Variants in RABGAP1L observed in about 807,000 individuals in gnomAD.
The protein encoded by RABGAP1L is rab GTPase-activating protein 1-like.
A neutral mutation model predicts 137.7 loss-of-function variants in RABGAP1L; 63 were observed. The observed-to-expected ratio is 0.46, with a 90% confidence interval of 0.37 to 0.56. RABGAP1L has a LOEUF of 0.56. Among genes scored for constraint, RABGAP1L ranks in the 20% least tolerant of loss-of-function variants. The pLI, the probability that RABGAP1L is intolerant of heterozygous loss-of-function variation, is 0.00. For missense variants in RABGAP1L, 1,095 were observed against 1,244.0 expected (o/e 0.88, Z 1.80); for synonymous variants, 431 against 433.7 (o/e 0.99, Z 0.08).
chr1:174,732,184 T>C (rs1682530999), intron 17 of RABGAP1L, among the ~76,000 whole-genome samples: 1 of 135,480 alleles, frequency 7.4e-6, no homozygotes, highest in Non-Finnish European at 1.5e-5. Context: ...GGCGACAGAG[T>C]GAGACCCCAT....
intron 13 of RABGAP1L, among the ~76,000 whole-genome samples, chr1:174,576,917 T>G (rs538461446): frequency 6.6e-6 from 1 of 152,266 alleles, no homozygotes; most frequent in Admixed American, 6.5e-5. Context: ...GTGCAGTGGC[T>G]CATGCCTGTA....
At chr1:174,246,523 TATGGTTTC>T (rs1672278052) in intron 5 of RABGAP1L, among the ~76,000 whole-genome samples, 2 of 152,206 alleles carry the variant, frequency 1.3e-5, no homozygotes, top group African/African-American at 4.8e-5. Context: ...GATAAAAATG[TATGGTTTC>T]ATCTGTACTG....
intron 13 of RABGAP1L, among the ~76,000 whole-genome samples, chr1:174,484,499 T>A (rs1659440814): frequency 6.6e-6 from 1 of 152,230 alleles, no homozygotes; most frequent in South Asian, 2.1e-4. Context: ...CCTTAAAAGT[T>A]TCCCCAATAT....
intron 13 of RABGAP1L, among the ~76,000 whole-genome samples, chr1:174,498,619 C>T (rs182471130): frequency 8.6e-5 from 13 of 151,376 alleles, no homozygotes; most frequent in Non-Finnish European, 1.6e-4. Context: ...GCCTCAGCTT[C>T]CTGAGTAGGT....
chr1:174,793,472 T>A (rs192510676), intron 18 of RABGAP1L, among the ~76,000 whole-genome samples: 43 of 152,350 alleles, frequency 2.8e-4, no homozygotes, highest in Admixed American at 1.4e-3. Flanking sequence ...TACCAAAATG[T>A]CAGGTAACTG....
chr1:174,263,993 G>A (rs1673820101), intron 7 of RABGAP1L, among the ~76,000 whole-genome samples: 1 of 151,878 alleles, frequency 6.6e-6, no homozygotes, highest in African/African-American at 2.4e-5. Flanking sequence ...TGTAATAGTA[G>A]CATAGTTGTT....
intron 13 of RABGAP1L, among the ~76,000 whole-genome samples, chr1:174,588,019 AGGCTTGGCTAAGTTTTT>A (rs1669255705): frequency 6.6e-6 from 1 of 151,962 alleles, no homozygotes; most frequent in African/African-American, 2.4e-5. Context: ...GTGCACAACC[AGGCTTGGCTAAGTTTTT>A]TGTATTTTTA....
chr1:174,232,613 C>T (rs181266544), intron 4 of RABGAP1L, among the ~76,000 whole-genome samples: 16 of 152,022 alleles, frequency 1.1e-4, no homozygotes, highest in African/African-American at 3.4e-4. Context: ...GAAACCCCGT[C>T]TCTACTAAAA....
At chr1:174,385,475 T>G (rs1686683646) in intron 12 of RABGAP1L, among the ~76,000 whole-genome samples, 1 of 152,182 alleles carries the variant, frequency 6.6e-6, no homozygotes, top group African/African-American at 2.4e-5. Context: ...GGGAAGGAAA[T>G]ATGAGTTTGG....
At chr1:174,804,903 G>A (rs1023933711) in intron 18 of RABGAP1L, among the ~76,000 whole-genome samples, 3 of 152,128 alleles carry the variant, frequency 2.0e-5, no homozygotes, top group Admixed American at 1.3e-4. Flanking sequence ...AAGAGCAGAG[G>A]AGAATATGTC....
At chr1:174,938,779 T>A (rs1665327294) in intron 19 of RABGAP1L, among the ~76,000 whole-genome samples, 1 of 152,078 alleles carries the variant, frequency 6.6e-6, no homozygotes, top group Admixed American at 6.5e-5. Flanking sequence ...CTGCCAGAGG[T>A]CTTTCAACTC....
At chr1:174,481,893 GAAAAAAAAAGA>G (rs1453411714) in intron 13 of RABGAP1L, among the ~76,000 whole-genome samples, 2 of 132,278 alleles carry the variant, frequency 1.5e-5, no homozygotes, top group Non-Finnish European at 3.4e-5. Flanking sequence ...AAAAAAAAAA[GAAAAAAAAAGA>G]AAAAAAAAAG....
intron 5 of RABGAP1L, 24 bp from the exon 6 acceptor site, chr1:174,250,451 G>A (rs769528909): frequency 3.8e-6 from 6 of 1,583,338 alleles, no homozygotes; most frequent in South Asian, 3.5e-5. Flanking sequence ...TTGCCTAATG[G>A]TATTTCCTTT....
At chr1:174,772,227 T>A (rs977001536) in intron 18 of RABGAP1L, among the ~76,000 whole-genome samples, 2 of 150,218 alleles carry the variant, frequency 1.3e-5, no homozygotes, top group East Asian at 3.9e-4. Context: ...CAAAAAAAAA[T>A]AACTAATCTT....
intron 3 of RABGAP1L, among the ~76,000 whole-genome samples, chr1:174,227,002 A>G (rs1571645095): frequency 6.6e-6 from 1 of 152,108 alleles, no homozygotes; most frequent in East Asian, 1.9e-4. Context: ...AAGGAGAATA[A>G]TATTGTGACA....
chr1:174,747,325 C>T (rs987181032), intron 17 of RABGAP1L, among the ~76,000 whole-genome samples: 1 of 149,388 alleles, frequency 6.7e-6, no homozygotes, highest in Non-Finnish European at 1.5e-5. Context: ...TTGCTTGAGC[C>T]TGGGAGGTTG....
At chr1:174,785,021 A>C (rs1244723667) in intron 18 of RABGAP1L, among the ~76,000 whole-genome samples, 2 of 152,218 alleles carry the variant, frequency 1.3e-5, no homozygotes, top group Non-Finnish European at 2.9e-5. Flanking sequence ...ACAGTATTTC[A>C]CAATACAATA....
intron 8 of RABGAP1L, among the ~76,000 whole-genome samples, chr1:174,273,236 A>G (rs1168722322): frequency 1.3e-5 from 2 of 151,954 alleles, no homozygotes; most frequent in African/African-American, 4.8e-5. Context: ...AATTAGGTCA[A>G]CTTTTTTTTG....
intron 13 of RABGAP1L, among the ~76,000 whole-genome samples, chr1:174,473,281 G>T (rs974099807): frequency 6.6e-6 from 1 of 152,176 alleles, no homozygotes; most frequent in Non-Finnish European, 1.5e-5. Context: ...GATGACATAG[G>T]ATCTCTGTAA....
Sources: gnomAD v4.1 joint callset for allele counts (sites outside exome capture counted in the v4.1 genomes callset) on GRCh38, gnomAD v4.1.1 for gene constraint, MANE v1.5 for transcripts, NCBI Gene and HGNC (gene_info 2026-07-23, HGNC 2026-07-21) for gene names.